The following ABTB3 variants were observed in gnomAD, a reference collection of about 807,000 sequenced individuals.
ABTB3 encodes ankyrin repeat and BTB domain containing 3.
chr12:107,580,245 T>C, the ABTB3 span, among the ~76,000 whole-genome samples: 1 of 152,176 alleles, frequency 6.6e-6, no homozygotes, highest in African/African-American at 2.4e-5. Context: ...ACCAATTAAA[T>C]CAGAATCCCT....
At chr12:107,389,057 A>T in the ABTB3 span, among the ~76,000 whole-genome samples, 2 of 150,378 alleles carry the variant, frequency 1.3e-5, no homozygotes, top group Non-Finnish European at 3.0e-5. Flanking sequence ...AAAGAAATAG[A>T]TATGAGCTGC....
chr12:107,631,301 A>G, the ABTB3 span, among the ~76,000 whole-genome samples: 15 of 152,360 alleles, frequency 9.8e-5, no homozygotes, highest in South Asian at 3.1e-3. Flanking sequence ...TTATGGCTGC[A>G]TAGTAGTCCG....
At chr12:107,522,236 G>A in the ABTB3 span, among the ~76,000 whole-genome samples, 2 of 152,072 alleles carry the variant, frequency 1.3e-5, no homozygotes, top group Non-Finnish European at 2.9e-5. Context: ...ACATTGAGGG[G>A]GCAGGGCTTC....
At chr12:107,603,929 G>T in the ABTB3 span, among the ~76,000 whole-genome samples, 1 of 152,142 alleles carries the variant, frequency 6.6e-6, no homozygotes, top group African/African-American at 2.4e-5. Context: ...CAGCACTTTG[G>T]GAGGCTGAGG....
the ABTB3 span, among the ~76,000 whole-genome samples, chr12:107,400,555 C>T: frequency 1.3e-5 from 2 of 152,242 alleles, no homozygotes; most frequent in Admixed American, 1.3e-4. Flanking sequence ...CCTTTTCTAG[C>T]CCGAGTCTCC....
the ABTB3 span, among the ~76,000 whole-genome samples, chr12:107,468,180 A>G: frequency 1.3e-5 from 2 of 152,096 alleles, no homozygotes; most frequent in Non-Finnish European, 2.9e-5. Flanking sequence ...GCAGCAGGGA[A>G]TTGGTGTTGT....
At chr12:107,518,692 G>T in the ABTB3 span, among the ~76,000 whole-genome samples, 1 of 152,012 alleles carries the variant, frequency 6.6e-6, no homozygotes, top group Non-Finnish European at 1.5e-5. Flanking sequence ...ACATGGCACC[G>T]TATACATATG....
At chr12:107,585,890 T>C in the ABTB3 span, among the ~76,000 whole-genome samples, 1 of 152,174 alleles carries the variant, frequency 6.6e-6, no homozygotes, top group South Asian at 2.1e-4. Flanking sequence ...CAACCCTTGG[T>C]GTCAAAAGTT....
At chr12:107,467,854 G>A in the ABTB3 span, among the ~76,000 whole-genome samples, 19 of 152,188 alleles carry the variant, frequency 1.2e-4, no homozygotes, top group South Asian at 2.1e-4. Context: ...TTCTCTGACC[G>A]CTATTAAACA....
At chr12:107,606,556 G>A in the ABTB3 span, among the ~76,000 whole-genome samples, 2 of 152,054 alleles carry the variant, frequency 1.3e-5, no homozygotes, top group African/African-American at 2.4e-5. Context: ...CCAGTCATAC[G>A]GAATAAAGAA....
the ABTB3 span, among the ~76,000 whole-genome samples, chr12:107,538,045 G>T: frequency 6.6e-6 from 1 of 152,088 alleles, no homozygotes; most frequent in Non-Finnish European, 1.5e-5. Context: ...TGCCTCCATG[G>T]TCTATGCAGC....
the ABTB3 span, chr12:107,657,473 C>T: frequency 6.9e-5 from 109 of 1,578,292 alleles, no homozygotes; most frequent in African/African-American, 1.1e-3. Flanking sequence ...TTTTCGGAAG[C>T]GTAACCATCT....
chr12:107,335,839 A>G, the ABTB3 span, among the ~76,000 whole-genome samples: 1 of 151,588 alleles, frequency 6.6e-6, no homozygotes, highest in Non-Finnish European at 1.5e-5. Context: ...TTGCAGCTCC[A>G]GGACCCAACA....
chr12:107,467,548 G>A, the ABTB3 span, among the ~76,000 whole-genome samples: 1 of 152,054 alleles, frequency 6.6e-6, no homozygotes, highest in African/African-American at 2.4e-5. Context: ...TTCGAGACCC[G>A]CTTAGGAAAC....
At chr12:107,415,711 C>CAAAA in the ABTB3 span, among the ~76,000 whole-genome samples, 13 of 148,718 alleles carry the variant, frequency 8.7e-5, no homozygotes, top group African/African-American at 2.7e-4. Context: ...CTGTCTCAAC[C>CAAAA]AAAAAAAACA....
the ABTB3 span, among the ~76,000 whole-genome samples, chr12:107,551,037 G>T: frequency 1.3e-5 from 2 of 152,144 alleles, no homozygotes; most frequent in African/African-American, 4.8e-5. Context: ...AGGACTCCTT[G>T]GTCTAACACC....
the ABTB3 span, among the ~76,000 whole-genome samples, chr12:107,596,239 G>A: frequency 6.6e-6 from 1 of 152,194 alleles, no homozygotes; most frequent in Non-Finnish European, 1.5e-5. Context: ...TGCCACTAGG[G>A]CCAGGCAGGA....
At chr12:107,323,424 G>A in the ABTB3 span, among the ~76,000 whole-genome samples, 1 of 152,214 alleles carries the variant, frequency 6.6e-6, no homozygotes, top group Non-Finnish European at 1.5e-5. Context: ...TAAAGCAAAA[G>A]AAGGCTTAGG....
chr12:107,442,271 A>G, the ABTB3 span, among the ~76,000 whole-genome samples: 2 of 152,154 alleles, frequency 1.3e-5, no homozygotes, highest in South Asian at 4.1e-4. Flanking sequence ...TTAAGCAAGA[A>G]GTTTTCAGAG....
Sources: gnomAD v4.1 joint callset for allele counts (sites outside exome capture counted in the v4.1 genomes callset) on GRCh38, gnomAD v4.1.1 for gene constraint, MANE v1.5 for transcripts, NCBI Gene and HGNC (gene_info 2026-07-23, HGNC 2026-07-21) for gene names.